The following CCDC3 variants were observed in gnomAD, a reference collection of about 807,000 sequenced individuals.
The protein encoded by CCDC3 is coiled-coil domain containing 3, also known as coiled-coil domain-containing protein 3.
In CCDC3, 24 loss-of-function variants were observed where a neutral mutation model predicts 21.4. The observed-to-expected ratio is 1.12, with a 90% CI of 0.81 to 1.58. The LOEUF (loss-of-function observed/expected upper bound fraction) is 1.58, where lower values mean the gene tolerates loss of function less well. CCDC3 is among the 40% of genes most tolerant of loss of function. The pLI, the probability that CCDC3 is intolerant of heterozygous loss-of-function variation, is 0.00. For missense variants in CCDC3, 425 were observed against 360.9 expected (o/e 1.18, Z -1.44); for synonymous variants, 186 against 166.0 (o/e 1.12, Z -0.93).
At chr10:12,988,041 C>T (rs913059230) in intron 2 of CCDC3, among the ~76,000 whole-genome samples, 7 of 152,184 alleles carry the variant, frequency 4.6e-5, no homozygotes, top group Non-Finnish European at 1.0e-4. Flanking sequence ...CGTCTCACCA[C>T]GCCGTTCAAT....
At chr10:12,943,925 C>T (rs1834875741) in intron 2 of CCDC3, among the ~76,000 whole-genome samples, 1 of 152,114 alleles carries the variant, frequency 6.6e-6, no homozygotes, top group Non-Finnish European at 1.5e-5. Context: ...GTATTTACCC[C>T]AGACAACGTT....
intron 2 of CCDC3, among the ~76,000 whole-genome samples, chr10:12,918,696 C>T (rs1834397605): frequency 6.6e-6 from 1 of 152,126 alleles, no homozygotes; most frequent in African/African-American, 2.4e-5. Context: ...CCATGTAACA[C>T]TATGTGTGAT....
Position 12,898,061 on chromosome 10 carries a change from G to A in CCDC3, c.*355C>T, listed in dbSNP as rs558778745. 6.3e-5 allele frequency: 14 copies of A among 223,224 alleles called. No homozygotes were observed. In the South Asian group the frequency reaches 1.5e-3, roughly 24 times the overall value. The allele number at this position is 223,224 out of a possible 1,614,324, so 13.8% of individuals were successfully genotyped here. On this transcript the variant is annotated 3_prime_UTR_variant, in exon 3 of 3. Transcript: ENST00000378825. ...CACCCTGATTTTTTTCTGAAATAAA[G>A]GCTAAGCACGTTGATGTCTTTTACA...
intron 3 of CCDC3, among the ~76,000 whole-genome samples, chr10:13,083,758 T>C (rs185987092): frequency 3.9e-5 from 6 of 152,328 alleles, no homozygotes; most frequent in East Asian, 3.9e-4. Flanking sequence ...GTCAGCCAAT[T>C]GGGTTCAGTT....
In CCDC3 at chr10:12,955,540, G is replaced by A. The variant is rs570822716; in HGVS notation, c.549+42798C>T. Among the ~76,000 whole-genome samples, 78 of 152,188 alleles carry A rather than the reference G, an allele frequency of 5.1e-4. No homozygotes were observed. In the South Asian group the frequency reaches 0.016, roughly 30 times the overall value. ...TCATCTAGTTTGTAGCCAAACCCAG[G>A]TTCAGTAACTTCATATTTTTTTTTC... On this transcript the variant is annotated intron_variant, in intron 2 of 2. Coordinates refer to ENST00000378825, the MANE Select transcript of CCDC3 (RefSeq NM_031455.4).
At chr10:12,998,084 C>A (rs1320358563) in intron 2 of CCDC3, among the ~76,000 whole-genome samples, 1 of 152,174 alleles carries the variant, frequency 6.6e-6, no homozygotes, top group Non-Finnish European at 1.5e-5. Context: ...TGCCAATCTT[C>A]ATCTCATCTT....
rs112239394 is a variant in CCDC3 at position 12,994,927 on chromosome 10, A to G, written c.549+3411T>C. On this transcript the variant is annotated intron_variant, in intron 2 of 2. Transcript: ENST00000378825. Reference sequence around the variant, plus strand: ...GAAACCCCCTCTCTACTAAAAATACAAAAATTAGCCAGGTGTGATGGCACA... The same window carrying G: ...GAAACCCCCTCTCTACTAAAAATACGAAAATTAGCCAGGTGTGATGGCACA... Among the ~76,000 whole-genome samples the G allele has an allele frequency of 7.1e-3, 1,079 of 152,096 alleles. 10 individuals carry two copies. Among genetic ancestry groups the G allele is most frequent in the Non-Finnish European group, 0.011 (760 of 67,972 alleles).
chr10:12,990,811 G>A (rs1835669614), intron 2 of CCDC3, among the ~76,000 whole-genome samples: 1 of 152,210 alleles, frequency 6.6e-6, no homozygotes, highest in Admixed American at 6.5e-5. Context: ...ATGAAATCAT[G>A]CATGAGTAAG....
intron 4 of CCDC3, among the ~76,000 whole-genome samples, chr10:13,062,794 C>A (rs1213208398): frequency 6.6e-6 from 1 of 152,136 alleles, no homozygotes; most frequent in Non-Finnish European, 1.5e-5. Context: ...CAGCTGGAGG[C>A]TACAAGATTC....
intron 5 of CCDC3, among the ~76,000 whole-genome samples, chr10:13,047,980 T>A (rs956894737): frequency 3.3e-5 from 5 of 152,166 alleles, no homozygotes; most frequent in African/African-American, 9.7e-5. Flanking sequence ...TATGGTCACA[T>A]GACTGAATCC....
intron 2 of CCDC3, among the ~76,000 whole-genome samples, chr10:12,963,967 G>T (rs1034922739): frequency 6.6e-6 from 1 of 152,026 alleles, no homozygotes; most frequent in Admixed American, 6.6e-5. Flanking sequence ...AGTCGTTATT[G>T]GTCTAAGCTA....
chr10:12,923,511 C>CCCAGG (rs1834486535), intron 2 of CCDC3, among the ~76,000 whole-genome samples: 2 of 151,650 alleles, frequency 1.3e-5, no homozygotes, highest in African/African-American at 4.8e-5. Flanking sequence ...GGTCCCCTGA[C>CCCAGG]TGCCTGAAAC....
At chr10:12,973,104 A>G (rs769006854) in intron 2 of CCDC3, among the ~76,000 whole-genome samples, 5 of 152,236 alleles carry the variant, frequency 3.3e-5, no homozygotes, top group Admixed American at 6.5e-5. Context: ...ACTACGTGCC[A>G]GGTGCTCTGC....
chr10:12,913,524 A>C (rs1834302127), intron 2 of CCDC3, among the ~76,000 whole-genome samples: 1 of 152,236 alleles, frequency 6.6e-6, no homozygotes. Context: ...ATGCCATTGC[A>C]AACAGGGACA....
At chr10:13,030,646 G>C (rs1836287642) in intron 5 of CCDC3, among the ~76,000 whole-genome samples, 1 of 151,788 alleles carries the variant, frequency 6.6e-6, no homozygotes, top group Non-Finnish European at 1.5e-5. Context: ...GATGGAGGAA[G>C]ATCTACCAAG....
intron 2 of CCDC3, among the ~76,000 whole-genome samples, chr10:12,952,990 AAGGG>A (rs986738674): frequency 3.3e-5 from 5 of 152,218 alleles, no homozygotes; most frequent in African/African-American, 7.2e-5. Context: ...CAAAGGAAGG[AAGGG>A]AGGGAGGGGT....
chr10:12,905,179 A>G (rs1450513970), intron 2 of CCDC3, among the ~76,000 whole-genome samples: 1 of 152,246 alleles, frequency 6.6e-6, no homozygotes, highest in African/African-American at 2.4e-5. Context: ...GAAGGAAGAA[A>G]AAAGAAAACC....
At chr10:13,012,842 C>T (rs1027056809) in intron 5 of CCDC3, among the ~76,000 whole-genome samples, 3 of 151,858 alleles carry the variant, frequency 2.0e-5, no homozygotes, top group East Asian at 3.9e-4. Context: ...AATTTGTACC[C>T]GAGATCCCCA....
intron 4 of CCDC3, among the ~76,000 whole-genome samples, chr10:13,062,664 G>A (rs1836771914): frequency 6.6e-6 from 1 of 152,118 alleles, no homozygotes; most frequent in South Asian, 2.1e-4. Context: ...TTAGTTTATG[G>A]TTTAAGTAAA....
Sources: allele counts gnomAD v4.1 joint callset (sites outside exome capture counted in the v4.1 genomes callset), GRCh38; gene constraint gnomAD v4.1.1; transcripts MANE v1.5; gene names NCBI Gene and HGNC (gene_info 2026-07-23, HGNC 2026-07-21).